The following FAM20A variants were observed in gnomAD, a reference collection of about 807,000 sequenced individuals.
FAM20A encodes pseudokinase FAM20A.
In FAM20A, 42 loss-of-function variants were observed where a neutral mutation model predicts 52.0. The ratio of observed to expected loss-of-function variants is 0.81; its 90% CI spans 0.63 to 1.04. FAM20A has a LOEUF of 1.04. FAM20A is among the 50% of genes least tolerant of loss of function. The pLI, the probability that FAM20A is intolerant of heterozygous loss-of-function variation, is 0.00. For missense variants in FAM20A, 742 were observed against 712.7 expected, an observed-to-expected ratio of 1.04 and a Z score of -0.47; for synonymous variants, 304 against 298.9, an observed-to-expected ratio of 1.02 and a Z score of -0.18.
intron 1 of FAM20A, among the ~76,000 whole-genome samples, chr17:68,585,567 A>T (rs562984094): frequency 6.6e-6 from 1 of 152,080 alleles, no homozygotes; most frequent in African/African-American, 2.4e-5. Context: ...GAAAAACTGC[A>T]CTCAAAGTGT....
At chr17:68,594,914 G>A (rs2088413003) in intron 1 of FAM20A, among the ~76,000 whole-genome samples, 1 of 152,204 alleles carries the variant, frequency 6.6e-6, no homozygotes, top group African/African-American at 2.4e-5. Flanking sequence ...CTGGTACGGG[G>A]CCTTAATTAC....
chr17:68,583,523 A>G (rs1028796893), intron 1 of FAM20A, among the ~76,000 whole-genome samples: 1 of 152,182 alleles, frequency 6.6e-6, no homozygotes, highest in Non-Finnish European at 1.5e-5. Context: ...ATATAAGGAC[A>G]CTTGACATGG....
chr17:68,577,254 A>G (rs1383890547), intron 1 of FAM20A, among the ~76,000 whole-genome samples: 4 of 152,188 alleles, frequency 2.6e-5, no homozygotes, highest in Non-Finnish European at 5.9e-5. Context: ...AGCACACACC[A>G]ATTCCCCTCT....
chr17:68,590,434 G>C, intron 1 of FAM20A: 1 of 151,576 alleles, frequency 6.6e-6, no homozygotes, highest in East Asian at 1.9e-4. Flanking sequence ...AGAAAGAGAC[G>C]TGAACCCGTG....
chr17:68,538,883 A>G (rs1404732758), intron 10 of FAM20A, among the ~76,000 whole-genome samples: 3 of 152,232 alleles, frequency 2.0e-5, no homozygotes, highest in Non-Finnish European at 4.4e-5. Flanking sequence ...TAGTACAGTC[A>G]TGAATCGCTT....
chr17:68,545,872 G>C (rs1221292449), intron 4 of FAM20A, among the ~76,000 whole-genome samples: 1 of 152,116 alleles, frequency 6.6e-6, no homozygotes, highest in Non-Finnish European at 1.5e-5. Context: ...TTATCCATAA[G>C]AAGCCACTCC....
chr17:68,535,731 C>T lies in FAM20A; in HGVS notation c.*1746G>A, dbSNP rs554720320. 1.8e-4 allele frequency: 80 copies of T among 450,142 alleles called. No homozygotes were observed. The highest frequency in any genetic ancestry group is 3.1e-4 in the Non-Finnish European group (70 of 225,632). 27.9% of individuals were successfully genotyped at this position (450,142 alleles called of 1,614,324 possible). A position where few individuals can be genotyped will look rare whatever the true frequency, so the allele number is the denominator to read the frequency against. On this transcript the variant is annotated 3_prime_UTR_variant, in exon 11 of 11. Coordinates refer to ENST00000592554, the MANE Select transcript of FAM20A (RefSeq NM_017565.4). ...TTTGTCATGTTACCCAGGCTGGTCT[C>T]GAGCTCCTGAGACCAAGCGATCTGC...
At position 68,536,310 on chromosome 17, in the gene FAM20A, CTTT is replaced by C; in HGVS notation, c.*1164_*1166del. 2.2e-6 allele frequency: 1 copy of C among 454,056 alleles called. No individual in the cohort carries two copies. Among genetic ancestry groups the C allele is most frequent in the Non-Finnish European group, 4.4e-6 (1 of 226,766 alleles). 28.1% of individuals were successfully genotyped at this position (454,056 alleles called of 1,614,324 possible). A position where few individuals can be genotyped will look rare whatever the true frequency, so the allele number is the denominator to read the frequency against. ...GATTTGATGAAATGAGGCATTTTTACTTTTGTTGACTGACTAGTCACTCCATGG... is the reference window on the plus strand; with the variant it reads ...GATTTGATGAAATGAGGCATTTTTACTGTTGACTGACTAGTCACTCCATGG... On this transcript the variant is annotated 3_prime_UTR_variant, in exon 11 of 11. Coordinates refer to ENST00000592554, the MANE Select transcript of FAM20A (RefSeq NM_017565.4).
In FAM20A at chr17:68,542,703, C is replaced by CA; in HGVS notation, c.918dup (p.Val307CysfsTer73). On this transcript the variant is annotated frameshift_variant, in exon 6 of 11. Transcript: ENST00000592554. LOFTEE classifies it high-confidence loss of function. ...CGGGCCAGTACTCTACCTGGAGAGACAAAGAAAACACTCTGCAGGATTTCA... is the reference window on the plus strand; with the variant it reads ...CGGGCCAGTACTCTACCTGGAGAGACAAAAGAAAACACTCTGCAGGATTTCA... The CA allele has an allele frequency of 6.2e-7, 1 of 1,613,264 alleles. No homozygotes were observed. The highest frequency in any genetic ancestry group is 8.5e-7 in the Non-Finnish European group (1 of 1,179,266).
chr17:68,551,335 C>T, intron 4 of FAM20A: 1 of 395,726 alleles, frequency 2.5e-6, no homozygotes, highest in Non-Finnish European at 4.4e-6. Flanking sequence ...TTCCTAGTAG[C>T]CTTTCTTGAT....
rs772483017 is a variant in FAM20A at position 68,537,670 on chromosome 17, C to T, written c.1433G>A (p.Arg478Gln). 23 of 1,613,510 alleles carry T rather than the reference C, an allele frequency of 1.4e-5. No individual in the cohort carries two copies. Among genetic ancestry groups the T allele is most frequent in the Admixed American group, 6.7e-5 (4 of 59,946 alleles). Residue 478 changes from arginine (R) to glutamine (Q), a missense_variant, in exon 11 of 11, where the codon CGA (arginine) becomes CAA (glutamine). By Grantham distance (43) the Arg-to-Gln change is conservative. Transcript: ENST00000592554. This position sits in a 1 kb window ranked among gnomAD's most constrained non-coding sequence, Gnocchi z 4.2. ...QADYRLSDVM[R>Q]ESLLEDQLSP... ...GAGCTGGTCTTCCAGCAGTGATTCTCGCATCACATCGCTGAGTCTGTAGTC... is the reference window on the plus strand; with the variant it reads ...GAGCTGGTCTTCCAGCAGTGATTCTTGCATCACATCGCTGAGTCTGTAGTC...
chr17:68,555,176 T>C (rs149240668), intron 2 of FAM20A, among the ~76,000 whole-genome samples: 4 of 152,336 alleles, frequency 2.6e-5, no homozygotes, highest in Admixed American at 1.3e-4. Context: ...GAATTCCAGC[T>C]CCACCCCCTA....
At chr17:68,575,929 A>C (rs2143827974) in intron 1 of FAM20A, among the ~76,000 whole-genome samples, 1 of 150,306 alleles carries the variant, frequency 6.7e-6, no homozygotes, top group Admixed American at 6.7e-5. Flanking sequence ...CCCCCTAAGA[A>C]TGGCCTTTCC....
Position 68,600,111 on chromosome 17 carries a change from TG to T in FAM20A, c.404+151del, listed in dbSNP as rs985881071. The T allele has an allele frequency of 1.4e-5, 12 of 873,720 alleles. No homozygotes were observed. The highest frequency in any genetic ancestry group is 2.0e-5 in the Non-Finnish European group (12 of 587,272). The allele number at this position is 873,720 out of a possible 1,614,324, so 54.1% of individuals were successfully genotyped here. ...TCTGCAACAGCTGGTGGGGTTCGGG[TG>T]GGGAACACACTCTAAGCCCAGCGCC... On this transcript the variant is annotated intron_variant, in intron 1 of 10. Coordinates refer to ENST00000592554, the MANE Select transcript of FAM20A (RefSeq NM_017565.4). This position sits in a 1 kb window ranked among gnomAD's most constrained non-coding sequence, Gnocchi z 6.2.
chr17:68,545,121 G>A (rs1315322802), intron 4 of FAM20A, among the ~76,000 whole-genome samples: 1 of 151,972 alleles, frequency 6.6e-6, no homozygotes, highest in Non-Finnish European at 1.5e-5. Context: ...AAAATACAAA[G>A]CGCATAATTT....
intron 1 of FAM20A, among the ~76,000 whole-genome samples, chr17:68,585,275 A>G (rs2088133776): frequency 6.8e-6 from 1 of 146,938 alleles, no homozygotes. Context: ...AAGTTCAGTT[A>G]ATTGGTAAAT....
chr17:68,567,845 C>A (rs573455207), intron 1 of FAM20A, among the ~76,000 whole-genome samples: 1 of 151,880 alleles, frequency 6.6e-6, no homozygotes, highest in Non-Finnish European at 1.5e-5. Context: ...CTCAAGAGAG[C>A]TGATGGTTTT....
chr17:68,573,639 C>G (rs1169289165), intron 1 of FAM20A, among the ~76,000 whole-genome samples: 17 of 147,570 alleles, frequency 1.2e-4, no homozygotes, highest in Admixed American at 6.9e-5. Flanking sequence ...TCCTTCCCTC[C>G]TTTCTTTCTT....
intron 4 of FAM20A, chr17:68,551,050 G>A (rs956705650): frequency 1.6e-6 from 2 of 1,230,862 alleles, no homozygotes; most frequent in Non-Finnish European, 2.0e-6. Context: ...CTTGGGTAAC[G>A]TGGCCCCTCT....
Sources: allele counts gnomAD v4.1 joint callset (sites outside exome capture counted in the v4.1 genomes callset), GRCh38; gene constraint gnomAD v4.1.1; non-coding constraint Gnocchi (gnomAD v3.1); transcripts MANE v1.5; gene names NCBI Gene and HGNC (gene_info 2026-07-23, HGNC 2026-07-21).